Variants in SND1 observed in about 807,000 individuals in gnomAD.
The protein encoded by SND1 is staphylococcal nuclease and tudor domain containing 1, also known as staphylococcal nuclease domain-containing protein 1.
In SND1, 38 loss-of-function variants were observed where a neutral mutation model predicts 121.7. That is an observed-to-expected ratio of 0.31 (90% CI 0.24 to 0.41). The LOEUF is 0.41. SND1 is among the 10% of genes least tolerant of loss of function. SND1 has a pLI of 1.00. For missense variants in SND1, 868 were observed against 1,184.6 expected (o/e 0.73, Z 3.92); for synonymous variants, 401 against 447.4 (o/e 0.90, Z 1.31).
chr7:128,040,470 A>G lies in SND1; in HGVS notation c.1780-34032A>G, dbSNP rs545403444. 8.7e-5 allele frequency among the ~76,000 whole-genome samples: 12 copies of G among 138,412 alleles called. No homozygotes were observed. The South Asian group carries it at 2.6e-3, about 30-fold the overall frequency. The allele number at this position is 138,412 out of a possible 152,430, so 90.8% of individuals were successfully genotyped here. On this transcript the variant is annotated intron_variant, in intron 16 of 23. Coordinates refer to ENST00000354725, the MANE Select transcript of SND1 (RefSeq NM_014390.4). ...AAAAAAAAAAAAAAAAAAAAAAGAC[A>G]TGGTTTGACACCTAAAAAAAAAAAA...
At chr7:128,005,246 G>T (rs749270216) in intron 16 of SND1, among the ~76,000 whole-genome samples, 9 of 152,178 alleles carry the variant, frequency 5.9e-5, no homozygotes, top group Non-Finnish European at 1.3e-4. Flanking sequence ...AGCATGTGAG[G>T]TGCAGAGGGG....
intron 17 of SND1, 73 bp downstream of exon 17, chr7:128,074,763 A>G (rs1436782227): frequency 2.8e-6 from 4 of 1,405,184 alleles, no homozygotes; most frequent in Non-Finnish European, 2.9e-6. Flanking sequence ...CTGCCTCCAG[A>G]GAACAGGAGG....
At chr7:128,053,023 C>T (rs576307804) in intron 16 of SND1, among the ~76,000 whole-genome samples, 1 of 152,288 alleles carries the variant, frequency 6.6e-6, no homozygotes, top group South Asian at 2.1e-4. Flanking sequence ...AAAAAATTTG[C>T]TTACATATAT....
intron 11 of SND1, among the ~76,000 whole-genome samples, chr7:127,814,420 T>G (rs1372672278): frequency 6.6e-6 from 1 of 152,156 alleles, no homozygotes; most frequent in African/African-American, 2.4e-5. Context: ...AGAGAATAGA[T>G]TCTTTTGAGC....
chr7:127,780,760 A>C (rs1185583900), intron 10 of SND1, among the ~76,000 whole-genome samples: 1 of 152,240 alleles, frequency 6.6e-6, no homozygotes, highest in Non-Finnish European at 1.5e-5. Flanking sequence ...AGAAGAAGAA[A>C]TTTTTTATTT....
intron 15 of SND1, among the ~76,000 whole-genome samples, chr7:127,938,960 CA>C (rs1335183850): frequency 2.0e-5 from 3 of 151,848 alleles, no homozygotes; most frequent in Non-Finnish European, 2.9e-5. Flanking sequence ...AGCCTTTGAG[CA>C]AAGTAATTGT....
chr7:128,054,418 C>T (rs1399408869), intron 16 of SND1, among the ~76,000 whole-genome samples: 1 of 152,208 alleles, frequency 6.6e-6, no homozygotes, highest in Non-Finnish European at 1.5e-5. Flanking sequence ...GAAGGGGAAT[C>T]TGGAAATGCC....
chr7:128,021,390 T>A (rs544700766), intron 16 of SND1, among the ~76,000 whole-genome samples: 1 of 152,330 alleles, frequency 6.6e-6, no homozygotes, highest in South Asian at 2.1e-4. Context: ...GGCTCCTGGA[T>A]GGAACTGCCT....
chr7:127,756,614 G>T (rs1028568433), intron 10 of SND1, among the ~76,000 whole-genome samples: 1 of 152,110 alleles, frequency 6.6e-6, no homozygotes, highest in African/African-American at 2.4e-5. Flanking sequence ...TTTCCCACCA[G>T]CCTCTTCTTT....
At chr7:127,730,885 T>A (rs1796662634) in intron 10 of SND1, among the ~76,000 whole-genome samples, 1 of 152,258 alleles carries the variant, frequency 6.6e-6, no homozygotes, top group African/African-American at 2.4e-5. Flanking sequence ...ACTCTGCCTT[T>A]CCTAGGACAT....
In SND1 at chr7:127,868,393, A is replaced by G. The variant is rs768718063; in HGVS notation, c.1344-19509A>G. 1.8e-4 allele frequency among the ~76,000 whole-genome samples: 27 copies of G among 152,334 alleles called. No homozygotes were observed. In the South Asian group the frequency reaches 2.9e-3, roughly 16 times the overall value. ...GAACCAGACACTGCCAACAACAACAAAAAGACTCATAGCACACACAGCACT... is the reference window on the plus strand; with the variant it reads ...GAACCAGACACTGCCAACAACAACAGAAAGACTCATAGCACACACAGCACT... On this transcript the variant is annotated intron_variant, in intron 12 of 23. Coordinates refer to ENST00000354725, the MANE Select transcript of SND1 (RefSeq NM_014390.4).
At chr7:127,853,011 A>G (rs560046167) in intron 12 of SND1, among the ~76,000 whole-genome samples, 15 of 141,124 alleles carry the variant, frequency 1.1e-4, no homozygotes, top group South Asian at 2.4e-4. Flanking sequence ...ACGTAGGTCT[A>G]CTTCTCTTGG....
chr7:127,751,535 C>A (rs962582509), intron 10 of SND1, among the ~76,000 whole-genome samples: 1 of 152,084 alleles, frequency 6.6e-6, no homozygotes, highest in Non-Finnish European at 1.5e-5. Context: ...CTGAGGCTTA[C>A]CAGTTAAAAA....
Position 127,703,184 on chromosome 7 carries a change from A to G in SND1, c.701A>G (p.Glu234Gly). The G allele has an allele frequency of 1.2e-6, 2 of 1,614,090 alleles. No individual in the cohort carries two copies. Among genetic ancestry groups the G allele is most frequent in the Non-Finnish European group, 1.7e-6 (2 of 1,179,982 alleles). Residue 234 changes from glutamate to glycine, a missense_variant, in exon 7 of 24, where the codon GAA becomes GGA. Around this residue, in one of 2 missense-constraint regions of SND1, gnomAD observed 743 missense variants for 1,071.3 expected, o/e 0.69. Coordinates refer to ENST00000354725, the MANE Select transcript of SND1 (RefSeq NM_014390.4). ...SGIKCPTFRR[E>G]ADGSETPEPF... ...CTTTAGTGCCCAACTTTTCGACGGG[A>G]AGCAGATGGCAGTGAAACTCCAGAG...
chr7:127,971,879 TCTC>T (rs1200664534), intron 15 of SND1, among the ~76,000 whole-genome samples: 1 of 151,128 alleles, frequency 6.6e-6, no homozygotes, highest in African/African-American at 2.4e-5. Flanking sequence ...TTCAAGCAAT[TCTC>T]CTGCCTCAGC....
At chr7:128,035,395 T>C (rs1004745900) in intron 16 of SND1, among the ~76,000 whole-genome samples, 1 of 152,234 alleles carries the variant, frequency 6.6e-6, no homozygotes, top group African/African-American at 2.4e-5. Flanking sequence ...AGATCCACAG[T>C]GCTGGAGCAG....
At chr7:127,806,217 C>T (rs569498012) in intron 10 of SND1, among the ~76,000 whole-genome samples, 63 of 152,324 alleles carry the variant, frequency 4.1e-4, no homozygotes, top group African/African-American at 1.5e-3. Flanking sequence ...CGCATGTCAT[C>T]ATGACTCCAC....
intron 21 of SND1, among the ~76,000 whole-genome samples, chr7:128,088,210 C>G (rs890424087): frequency 6.6e-6 from 1 of 150,576 alleles, no homozygotes; most frequent in African/African-American, 2.4e-5. Flanking sequence ...CATAGGAGGC[C>G]AAGCAGGGAG....
Position 127,652,313 on chromosome 7 carries a change from A to G in SND1, c.-61A>G, listed in dbSNP as rs1297154855. On this transcript the variant is annotated 5_prime_UTR_variant, in exon 1 of 24. Coordinates refer to ENST00000354725, the MANE Select transcript of SND1 (RefSeq NM_014390.4). ...TCGACTCCCTTTCACCAACACCGAC[A>G]CCCACATTGACACCTCCAGTCCGGC... 7.3e-7 allele frequency: 1 copy of G among 1,378,558 alleles called. No homozygotes were observed. The highest frequency in any genetic ancestry group is 1.0e-6 in the Non-Finnish European group (1 of 988,024). 85.4% of individuals were successfully genotyped at this position (1,378,558 alleles called of 1,614,324 possible). A position where few individuals can be genotyped will look rare whatever the true frequency, so the allele number is the denominator to read the frequency against.
Sources: allele counts gnomAD v4.1 joint callset (sites outside exome capture counted in the v4.1 genomes callset), GRCh38; gene constraint gnomAD v4.1.1; regional missense constraint gnomAD v4.1.1; transcripts MANE v1.5; gene names NCBI Gene and HGNC (gene_info 2026-07-23, HGNC 2026-07-21).